Variants in FSTL5 observed in about 807,000 individuals in gnomAD.
FSTL5 encodes follistatin-related protein 5.
In FSTL5, 62 loss-of-function variants were observed where a neutral mutation model predicts 89.1. The ratio of observed to expected loss-of-function variants is 0.70; its 90% CI spans 0.57 to 0.86. The LOEUF (loss-of-function observed/expected upper bound fraction) is 0.86, where lower values mean the gene tolerates loss of function less well. FSTL5 is among the 40% of genes least tolerant of loss of function. The pLI, the probability that FSTL5 is intolerant of heterozygous loss-of-function variation, is 0.00. For missense variants in FSTL5, 1,057 were observed against 1,001.6 expected (o/e 1.06, Z -0.75); for synonymous variants, 383 against 346.2 (o/e 1.11, Z -1.18).
rs28731272 is a variant in FSTL5 at position 161,854,302 on chromosome 4, T to C, written c.409+66102A>G. ...GTATATTCTGTCCTTAGAAAGGGCT[T>C]CTGCCATGCAATGAGTCCTCCAGGA... On this transcript the variant is annotated intron_variant, in intron 4 of 15. Coordinates refer to ENST00000306100, the MANE Select transcript of FSTL5 (RefSeq NM_020116.5). Among the ~76,000 whole-genome samples the C allele has an allele frequency of 4.8e-3, 729 of 152,312 alleles. 13 individuals carry two copies. The highest frequency in any genetic ancestry group is 0.017 in the African/African-American group (705 of 41,556).
chr4:161,982,785 T>A (rs1220132163), intron 3 of FSTL5, among the ~76,000 whole-genome samples: 1 of 152,208 alleles, frequency 6.6e-6, no homozygotes, highest in Non-Finnish European at 1.5e-5. Flanking sequence ...TTTGACTCAT[T>A]GATTTACTAA....
rs139977044 is a variant in FSTL5, at chr4:161,651,456, C to G, written c.894+4872G>C. Among the ~76,000 whole-genome samples, 915 of 151,528 alleles carry G rather than the reference C, an allele frequency of 6.0e-3. 9 individuals are homozygous for G. Among genetic ancestry groups the G allele is most frequent in the South Asian group, 0.046 (219 of 4,810 alleles). On this transcript the variant is annotated intron_variant, in intron 7 of 15. Transcript: ENST00000306100. ...TCTTGGTACTATATGTAACCTAATA[C>G]TAAATTACTATTTTTTTAGGTAGGT...
At position 161,855,626 on chromosome 4, in the gene FSTL5, C is replaced by A. The variant is rs148267255; in HGVS notation, c.409+64778G>T. On this transcript the variant is annotated intron_variant, in intron 4 of 15. Coordinates refer to ENST00000306100, the MANE Select transcript of FSTL5 (RefSeq NM_020116.5). ...AAATTTACAGAAAAGGTAAGAAAAT[C>A]CACCTTCTCTGAATCTTGTTTAATT... Among the ~76,000 whole-genome samples, 222 of 152,190 alleles carry A rather than the reference C, an allele frequency of 1.5e-3. 1 individual carries two copies. Among genetic ancestry groups the A allele is most frequent in the African/African-American group, 4.9e-3 (203 of 41,560 alleles).
At chr4:161,806,790 C>T (rs1729980554) in intron 4 of FSTL5, among the ~76,000 whole-genome samples, 2 of 152,016 alleles carry the variant, frequency 1.3e-5, no homozygotes, top group South Asian at 2.1e-4. Context: ...TAGATAAAAT[C>T]GGTGTATGAC....
At chr4:161,421,449 C>T (rs983505759) in intron 15 of FSTL5, among the ~76,000 whole-genome samples, 2 of 151,974 alleles carry the variant, frequency 1.3e-5, no homozygotes, top group Admixed American at 1.3e-4. Flanking sequence ...TTCAGTTCTA[C>T]ACAAGATAGT....
At position 161,461,291 on chromosome 4, in the gene FSTL5, A is replaced by C. The variant is rs1338585702; in HGVS notation, c.1609-1972T>G. ...AACCCCGTCTCTACTAAAAATACAAAAAAAACAAACAAACAAAAAAATTAG... is the reference window on the plus strand; with the variant it reads ...AACCCCGTCTCTACTAAAAATACAACAAAAACAAACAAACAAAAAAATTAG... On this transcript the variant is annotated intron_variant, in intron 13 of 15. Coordinates refer to ENST00000306100, the MANE Select transcript of FSTL5 (RefSeq NM_020116.5). Among the ~76,000 whole-genome samples, 24 of 126,060 alleles carry C rather than the reference A, an allele frequency of 1.9e-4. 3 individuals are homozygous for C. The South Asian group carries it at 6.7e-3, about 35-fold the overall frequency. 82.7% of individuals were successfully genotyped at this position (126,060 alleles called of 152,430 possible). A position where few individuals can be genotyped will look rare whatever the true frequency, so the allele number is the denominator to read the frequency against.
At chr4:161,546,919 T>C (rs1485349477) in intron 8 of FSTL5, among the ~76,000 whole-genome samples, 1 of 151,994 alleles carries the variant, frequency 6.6e-6, no homozygotes, top group Non-Finnish European at 1.5e-5. Context: ...ACATGGGACC[T>C]GTGGGCTGGA....
intron 10 of FSTL5, among the ~76,000 whole-genome samples, chr4:161,519,173 G>A (rs1730939090): frequency 6.6e-6 from 1 of 152,146 alleles, no homozygotes; most frequent in South Asian, 2.1e-4. Flanking sequence ...CTGTTTCAAC[G>A]TGGGAAGAGA....
At chr4:161,905,698 G>C (rs951638580) in intron 4 of FSTL5, among the ~76,000 whole-genome samples, 3 of 152,114 alleles carry the variant, frequency 2.0e-5, no homozygotes, top group African/African-American at 7.2e-5. Context: ...GAGACTGCTT[G>C]ACAGAAGACA....
intron 3 of FSTL5, among the ~76,000 whole-genome samples, chr4:161,931,277 G>A (rs1332406995): frequency 6.6e-6 from 1 of 151,848 alleles, no homozygotes; most frequent in African/African-American, 2.4e-5. Flanking sequence ...GGAGTCTGTG[G>A]AGGATAGAAA....
intron 2 of FSTL5, among the ~76,000 whole-genome samples, chr4:162,087,394 T>C (rs1349780579): frequency 6.6e-6 from 1 of 152,100 alleles, no homozygotes; most frequent in Non-Finnish European, 1.5e-5. Context: ...TATATAAATA[T>C]TCTCAGTTCG....
In FSTL5 at chr4:161,872,140, G is replaced by GTTTTTTT. The variant is rs1491313878; in HGVS notation, c.409+48263_409+48264insAAAAAAA. Among the ~76,000 whole-genome samples, 287 of 67,390 alleles carry GTTTTTTT rather than the reference G, an allele frequency of 4.3e-3. 3 individuals carry two copies. Among genetic ancestry groups the GTTTTTTT allele is most frequent in the Non-Finnish European group, 5.5e-3 (197 of 35,714 alleles). The allele number at this position is 67,390 out of a possible 152,430, so 44.2% of individuals were successfully genotyped here. On this transcript the variant is annotated intron_variant, in intron 4 of 15. Transcript: ENST00000306100. ...GGCTTTGTAGTTTGTTTTTTTTTTT[G>GTTTTTTT]GTTTTTTTTTTTTTTTTTGTAGAGA...
intron 3 of FSTL5, among the ~76,000 whole-genome samples, chr4:161,987,249 A>G (rs1035697907): frequency 2.6e-5 from 4 of 152,000 alleles, no homozygotes; most frequent in African/African-American, 7.2e-5. Flanking sequence ...TATGGCTTAT[A>G]GAGTTTTGTT....
chr4:161,443,706 G>C (rs934472346), intron 15 of FSTL5, among the ~76,000 whole-genome samples: 1 of 151,884 alleles, frequency 6.6e-6, no homozygotes, highest in East Asian at 1.9e-4. Flanking sequence ...TAGAGGAGCA[G>C]GAAAAGTTGC....
Position 161,476,187 on chromosome 4 carries a change from T to G in FSTL5, c.1608+4833A>C, listed in dbSNP as rs1262295361. Among the ~76,000 whole-genome samples, 4 of 107,482 alleles carry G rather than the reference T, an allele frequency of 3.7e-5. No homozygotes were observed. The East Asian group carries it at 1.1e-3, about 29-fold the overall frequency. 70.5% of individuals were successfully genotyped at this position (107,482 alleles called of 152,430 possible). On this transcript the variant is annotated intron_variant, in intron 13 of 15. Transcript: ENST00000306100. ...CAAGTTTGCTGGTTTTTTTTTTTTT[T>G]TGTTTGTTTGTTTTTTTGAGAAAGA... is the stretch of plus-strand genomic sequence containing the variant.
At chr4:162,138,056 G>C (rs1732584975) in intron 1 of FSTL5, among the ~76,000 whole-genome samples, 1 of 152,074 alleles carries the variant, frequency 6.6e-6, no homozygotes, top group Non-Finnish European at 1.5e-5. Flanking sequence ...ACTGTAGCAA[G>C]CTTTAAAAAT....
intron 10 of FSTL5, among the ~76,000 whole-genome samples, chr4:161,536,364 C>G (rs1731615776): frequency 6.6e-6 from 1 of 152,062 alleles, no homozygotes; most frequent in Non-Finnish European, 1.5e-5. Context: ...AACCCAGATC[C>G]ACAATCCTTA....
intron 4 of FSTL5, among the ~76,000 whole-genome samples, chr4:161,888,286 C>T (rs1474933064): frequency 3.3e-5 from 5 of 152,030 alleles, no homozygotes; most frequent in African/African-American, 4.8e-5. Flanking sequence ...TAGGAGTGAT[C>T]TTCATTTCCC....
chr4:161,612,682 G>A (rs1055614733), intron 7 of FSTL5, among the ~76,000 whole-genome samples: 79 of 152,254 alleles, frequency 5.2e-4, no homozygotes, highest in African/African-American at 1.8e-3. Context: ...CCATGTTGAC[G>A]CTATAAAACG....
Sources: gnomAD v4.1 joint callset for allele counts (sites outside exome capture counted in the v4.1 genomes callset) on GRCh38, gnomAD v4.1.1 for gene constraint, MANE v1.5 for transcripts, NCBI Gene and HGNC (gene_info 2026-07-23, HGNC 2026-07-21) for gene names.